ATP13A1: variants seen among roughly 807,000 people sequenced by gnomAD.
The protein encoded by ATP13A1 is endoplasmic reticulum transmembrane helix translocase.
Under a neutral mutation model 134.8 loss-of-function variants are expected in ATP13A1, and 55 were observed. That is an observed-to-expected ratio of 0.41 (90% CI 0.33 to 0.51). ATP13A1 has a LOEUF of 0.51. Among genes scored for constraint, ATP13A1 ranks in the 20% least tolerant of loss-of-function variants. The probability of loss-of-function intolerance (pLI) is 0.29; values close to 1 mark genes in which losing one functional copy is unlikely to be tolerated. For missense variants in ATP13A1, 1,389 were observed against 1,652.8 expected (o/e 0.84, Z 2.77); for synonymous variants, 775 against 725.1 (o/e 1.07, Z -1.10).
chr19:19,654,006 G>A lies in ATP13A1; in HGVS notation c.1952C>T (p.Ala651Val), dbSNP rs761860302. 2.0e-5 allele frequency: 32 copies of A among 1,598,830 alleles called. No homozygotes were observed. Among genetic ancestry groups the A allele is most frequent in the Non-Finnish European group, 2.3e-5 (27 of 1,173,132 alleles). ...AGTTTCGGGGGCCCCCTTCACGGCC[G>A]CGATGTAGCAGAGGTCGGTGGAGCC... is the stretch of plus-strand genomic sequence containing the variant. The part of the protein sequence containing the change: ...KLGSTDLCYI[A>V]AVKGAPETLH... Residue 651 changes from alanine to valine, a missense_variant, in exon 14 of 26, where the codon GCG becomes GTG. Physicochemically the swap from Ala to Val is moderately conservative, Grantham distance 64. Transcript: ENST00000357324.
intron 22 of ATP13A1, chr19:19,646,895 A>AC (rs2061989636): frequency 1.8e-6 from 1 of 556,920 alleles, no homozygotes; most frequent in African/African-American, 1.9e-5. Flanking sequence ...TGTGGGGCCC[A>AC]CCCCTGGGAC....
chr19:19,648,728 G>C (rs1313871374), intron 19 of ATP13A1, among the ~76,000 whole-genome samples: 1 of 142,260 alleles, frequency 7.0e-6, no homozygotes, highest in Non-Finnish European at 1.5e-5. Flanking sequence ...AGAATTGCTT[G>C]AACCCGGGAA....
chr19:19,662,104 C>A (rs539397884), intron 1 of ATP13A1: 29 of 1,572,356 alleles, frequency 1.8e-5, no homozygotes, highest in Admixed American at 1.8e-4. Context: ...TTCAGCTCCT[C>A]CCACTTCTCC....
rs564785652 is a variant in ATP13A1 at position 19,652,570 on chromosome 19, G to A, written c.2226+25C>T. The stretch of plus-strand genomic sequence containing the variant: ...CCTCGCCTCTATTTCCCATGCAGAG[G>A]GTGGAGCCGAGCACCGTCCCATACC... On this transcript the variant is annotated intron_variant, in intron 16 of 25. Coordinates refer to ENST00000357324, the MANE Select transcript of ATP13A1 (RefSeq NM_020410.3). 101 of 1,600,700 alleles carry A rather than the reference G, an allele frequency of 6.3e-5. No homozygotes were observed. The South Asian group carries it at 1.1e-3, about 18-fold the overall frequency.
Position 19,656,321 on chromosome 19 carries a change from C to T in ATP13A1, c.1084-138G>A, listed in dbSNP as rs1568428966. ...CGACCAATACATCCCACCCAGCTCC[C>T]AGATCCTCACCCTCACCCCGTCCTG... On this transcript the variant is annotated intron_variant, in intron 7 of 25. Coordinates refer to ENST00000357324, the MANE Select transcript of ATP13A1 (RefSeq NM_020410.3). The surrounding 1 kb of genome is among the most constrained non-coding windows in gnomAD (Gnocchi z 4.6). The T allele has an allele frequency of 8.2e-7, 1 of 1,222,744 alleles. No homozygotes were observed. The highest frequency in any genetic ancestry group is 2.4e-5 in the East Asian group (1 of 42,024). 75.7% of individuals were successfully genotyped at this position (1,222,744 alleles called of 1,614,324 possible).
At chr19:19,661,396 C>T (rs968331920) in intron 1 of ATP13A1, among the ~76,000 whole-genome samples, 1 of 152,220 alleles carries the variant, frequency 6.6e-6, no homozygotes, top group African/African-American at 2.4e-5. Flanking sequence ...CAGCAAAGGG[C>T]CTTGGCATGT....
Position 19,657,162 on chromosome 19 carries a change from A to G in ATP13A1, c.751-13T>C. ...CCACACAGAACACCTGTGGGATACC[A>G]GCCTGTCTGTCCTTGCCCTACCCGC... On this transcript the variant is annotated splice_polypyrimidine_tract_variant and intron_variant, in intron 4 of 25. Transcript: ENST00000357324. The G allele has an allele frequency of 6.7e-7, 1 of 1,500,788 alleles. No individual in the cohort carries two copies. Among genetic ancestry groups the G allele is most frequent in the Non-Finnish European group, 8.9e-7 (1 of 1,125,568 alleles). 93.0% of individuals were successfully genotyped at this position (1,500,788 alleles called of 1,614,324 possible). A position where few individuals can be genotyped will look rare whatever the true frequency, so the allele number is the denominator to read the frequency against.
At position 19,653,761 on chromosome 19, in the gene ATP13A1, G is replaced by A; in HGVS notation, c.2100+23C>T. 6.5e-7 allele frequency: 1 copy of A among 1,529,890 alleles called. No individual in the cohort carries two copies. Among genetic ancestry groups the A allele is most frequent in the Non-Finnish European group, 8.9e-7 (1 of 1,128,866 alleles). The allele number at this position is 1,529,890 out of a possible 1,614,324, so 94.8% of individuals were successfully genotyped here. ...CTGACGGGCCAGGCACATGGTGAAGGCAGGGGGAGCCTGGGCCCGTACCTG... is the reference window on the plus strand; with the variant it reads ...CTGACGGGCCAGGCACATGGTGAAGACAGGGGGAGCCTGGGCCCGTACCTG... On this transcript the variant is annotated intron_variant, in intron 15 of 25. Coordinates refer to ENST00000357324, the MANE Select transcript of ATP13A1 (RefSeq NM_020410.3). The surrounding 1 kb of genome is among the most constrained non-coding windows in gnomAD (Gnocchi z 4.2).
chr19:19,661,134 A>G (rs1449728482), intron 1 of ATP13A1, among the ~76,000 whole-genome samples: 1 of 152,070 alleles, frequency 6.6e-6, no homozygotes, highest in Admixed American at 6.5e-5. Context: ...AAAAACAAAA[A>G]CAACAACAAA....
At chr19:19,646,832 C>T in intron 22 of ATP13A1, 1 of 469,142 alleles carries the variant, frequency 2.1e-6, no homozygotes. Context: ...AGCCTATGAC[C>T]CACTTAGTTG....
intron 13 of ATP13A1, among the ~76,000 whole-genome samples, 166 bp downstream of exon 13, chr19:19,654,377 G>A (rs111720443): frequency 5.3e-5 from 8 of 152,300 alleles, no homozygotes; most frequent in African/African-American, 1.2e-4. Context: ...ACCCAAGGAC[G>A]TGGCCTATCC....
intron 22 of ATP13A1, chr19:19,646,887 T>C: frequency 1.8e-6 from 1 of 554,280 alleles, no homozygotes; most frequent in Non-Finnish European, 3.2e-6. Context: ...TGGGGCTCTG[T>C]GGGGCCCACC....
At position 19,655,684 on chromosome 19, in the gene ATP13A1, T is replaced by TGGAG; in HGVS notation, c.1270-31_1270-30insCTCC. The stretch of plus-strand genomic sequence containing the variant: ...AGGAATGGAGGAACAGCCTTTCTGC[T>TGGAG]GTCTGGACTCCCTCCAGCAGCTCAG... On this transcript the variant is annotated intron_variant, in intron 9 of 25. Coordinates refer to ENST00000357324, the MANE Select transcript of ATP13A1 (RefSeq NM_020410.3). This position sits in a 1 kb window ranked among gnomAD's most constrained non-coding sequence, Gnocchi z 5.7. 3.1e-6 allele frequency: 5 copies of TGGAG among 1,604,296 alleles called. No individual in the cohort carries two copies. The highest frequency in any genetic ancestry group is 4.3e-6 in the Non-Finnish European group (5 of 1,175,598).
Position 19,647,861 on chromosome 19 carries a change from G to A in ATP13A1, c.2633-102C>T, listed in dbSNP as rs562716989. The A allele has an allele frequency of 1.4e-5, 20 of 1,398,470 alleles. No homozygotes were observed. The highest frequency in any genetic ancestry group is 1.3e-4 in the East Asian group (5 of 39,914). The allele number at this position is 1,398,470 out of a possible 1,614,324, so 86.6% of individuals were successfully genotyped here. A position where few individuals can be genotyped will look rare whatever the true frequency, so the allele number is the denominator to read the frequency against. The stretch of plus-strand genomic sequence containing the variant: ...TCCTGAAGTCCCCCAGCTGGCTCCC[G>A]TGAGGACAGTTCCCAGACTTCCCCA... On this transcript the variant is annotated intron_variant, in intron 19 of 25. Transcript: ENST00000357324. The surrounding 1 kb of genome is among the most constrained non-coding windows in gnomAD (Gnocchi z 4.8).
At position 19,646,263 on chromosome 19, in the gene ATP13A1, C is replaced by T. The variant is rs2061985048; in HGVS notation, c.3190G>A (p.Val1064Met). Reference sequence around the variant, plus strand: ...AGGTAGACAAGGCTCAGGAAGTGCACAAAGAACTGGAGCATGACGGTGAGG... The same window carrying T: ...AGGTAGACAAGGCTCAGGAAGTGCATAAAGAACTGGAGCATGACGGTGAGG... The part of the protein sequence containing the change: ...TILTVMLQFF[V>M]HFLSLVYLYR... Residue 1064 changes from valine to methionine, a missense_variant, in exon 23 of 26, where the codon GTG becomes ATG. Transcript: ENST00000357324. 1 of 1,613,828 alleles carries T rather than the reference C, an allele frequency of 6.2e-7. No individual in the cohort carries two copies. The highest frequency in any genetic ancestry group is 1.1e-5 in the South Asian group (1 of 91,084).
In ATP13A1 at chr19:19,653,331, C is replaced by T. The variant is rs771973725; in HGVS notation, c.2100+453G>A. 6 of 203,372 alleles carry T rather than the reference C, an allele frequency of 3.0e-5. No individual in the cohort carries two copies. The allele number at this position is 203,372 out of a possible 1,614,324, so 12.6% of individuals were successfully genotyped here. ...CAGGCTGTGAGCTGTGGCCTGGGCT[C>T]TGCACACAGTACTGCAACCTGAGGC... On this transcript the variant is annotated intron_variant, in intron 15 of 25. Coordinates refer to ENST00000357324, the MANE Select transcript of ATP13A1 (RefSeq NM_020410.3). This position sits in a 1 kb window ranked among gnomAD's most constrained non-coding sequence, Gnocchi z 4.2.
At chr19:19,661,587 T>C (rs2062094707) in intron 1 of ATP13A1, among the ~76,000 whole-genome samples, 1 of 152,156 alleles carries the variant, frequency 6.6e-6, no homozygotes. Context: ...GACTATGAGT[T>C]CTCCCTCCCA....
In ATP13A1 at chr19:19,656,533, A is replaced by C. The variant is rs1001799155; in HGVS notation, c.1083+127T>G. 1.9e-6 allele frequency: 2 copies of C among 1,040,602 alleles called. No homozygotes were observed. The highest frequency in any genetic ancestry group is 5.2e-5 in the East Asian group (2 of 38,486). The allele number at this position is 1,040,602 out of a possible 1,614,324, so 64.5% of individuals were successfully genotyped here. A position where few individuals can be genotyped will look rare whatever the true frequency, so the allele number is the denominator to read the frequency against. On this transcript the variant is annotated intron_variant, in intron 7 of 25. Transcript: ENST00000357324. This position sits in a 1 kb window ranked among gnomAD's most constrained non-coding sequence, Gnocchi z 4.6. ...CACCACCCGGCTCCCCAGTCCACAG[A>C]GCTCATCTGTGCCCACACTGCCTCC...
chr19:19,656,032 C>G lies in ATP13A1; in HGVS notation c.1213+22G>C. The G allele has an allele frequency of 6.2e-7, 1 of 1,613,374 alleles. No individual in the cohort carries two copies. On this transcript the variant is annotated intron_variant, in intron 8 of 25. Transcript: ENST00000357324. The surrounding 1 kb of genome is among the most constrained non-coding windows in gnomAD (Gnocchi z 4.6). ...AAGGGGGTGGAAGCCCAGATACCCC[C>G]AGACGCCCATGAGGCACCTACGCTT... is the stretch of plus-strand genomic sequence containing the variant.
Sources: gnomAD v4.1 joint callset for allele counts (sites outside exome capture counted in the v4.1 genomes callset) on GRCh38, gnomAD v4.1.1 for gene constraint, Gnocchi (gnomAD v3.1) non-coding constraint, MANE v1.5 for transcripts, NCBI Gene and HGNC (gene_info 2026-07-23, HGNC 2026-07-21) for gene names.